Variants in CACNA1B observed in about 807,000 individuals in gnomAD.
The protein encoded by CACNA1B is calcium voltage-gated channel subunit alpha1 B, also known as voltage-dependent N-type calcium channel subunit alpha-1B.
In CACNA1B, 70 loss-of-function variants were observed where a neutral mutation model predicts 247.2. The observed-to-expected ratio is 0.28, with a 90% CI of 0.23 to 0.35. The LOEUF is 0.35. Ranked by LOEUF, CACNA1B falls within the 10% of genes least tolerant of loss-of-function variation. The pLI, the probability that CACNA1B is intolerant of heterozygous loss-of-function variation, is 1.00. For missense variants in CACNA1B, 2,367 were observed against 3,197.4 expected (o/e 0.74, Z 6.26); for synonymous variants, 1,231 against 1,294.4 (o/e 0.95, Z 1.05).
chr9:138,047,856 G>A (rs1959196855), intron 23 of CACNA1B, among the ~76,000 whole-genome samples: 1 of 152,254 alleles, frequency 6.6e-6, no homozygotes, highest in African/African-American at 2.4e-5. Flanking sequence ...TTAGAAGATT[G>A]TTGGAAGTGG....
At chr9:137,879,471 A>G (rs1325192889) in intron 2 of CACNA1B, among the ~76,000 whole-genome samples, 1 of 152,106 alleles carries the variant, frequency 6.6e-6, no homozygotes, top group Non-Finnish European at 1.5e-5. Flanking sequence ...CATGTTCTAA[A>G]CTTGGGGTGG....
intron 3 of CACNA1B, among the ~76,000 whole-genome samples, chr9:137,904,540 A>T (rs1051185605): frequency 6.5e-4 from 96 of 148,342 alleles, no homozygotes; most frequent in East Asian, 2.0e-3. Context: ...AATTAAAAAA[A>T]TTTTTTTTTT....
At chr9:137,982,817 T>C (rs1343110075) in intron 12 of CACNA1B, among the ~76,000 whole-genome samples, 1 of 152,140 alleles carries the variant, frequency 6.6e-6, no homozygotes, top group African/African-American at 2.4e-5. Context: ...CTTACCCAAT[T>C]TGTTGTATTG....
intron 12 of CACNA1B, among the ~76,000 whole-genome samples, chr9:137,980,416 C>T (rs572974688): frequency 6.6e-6 from 1 of 152,368 alleles, no homozygotes; most frequent in South Asian, 2.1e-4. Context: ...CTGAGTAGTG[C>T]TCTGAGGCAC....
Position 138,023,084 on chromosome 9 carries a change from C to T in CACNA1B, c.2341C>T (p.Arg781Trp). ...RASQLRLQNL[R>W]ASCEALYSEM... The stretch of plus-strand genomic sequence containing the variant: ...CAGCCAGCTACGGCTGCAGAACCTG[C>T]GGGCCAGCTGCGAGGCGCTGTACAG... Residue 781 changes from arginine (R) to tryptophan (W), a missense_variant, in exon 19 of 47, where the codon CGG becomes TGG. Transcript: ENST00000371372. 6.5e-7 allele frequency: 1 copy of T among 1,529,626 alleles called. No homozygotes were observed. The highest frequency in any genetic ancestry group is 1.2e-5 in the South Asian group (1 of 83,502). The allele number at this position is 1,529,626 out of a possible 1,614,324, so 94.8% of individuals were successfully genotyped here.
intron 36 of CACNA1B, among the ~76,000 whole-genome samples, chr9:138,088,959 CAAAAAAAAAA>C (rs56112600): frequency 9.8e-5 from 6 of 61,426 alleles, no homozygotes; most frequent in Admixed American, 9.0e-4. Context: ...AACTCCGTCT[CAAAAAAAAAA>C]AAAAAAAAAA....
intron 20 of CACNA1B, among the ~76,000 whole-genome samples, chr9:138,043,484 AGC>A (rs1959154344): frequency 6.6e-6 from 1 of 151,974 alleles, no homozygotes; most frequent in Non-Finnish European, 1.5e-5. Flanking sequence ...GAGGCCCCTC[AGC>A]GCGGCAGAGG....
At position 138,054,044 on chromosome 9, in the gene CACNA1B, C is replaced by T. The variant is rs754732355; in HGVS notation, c.3968+38C>T. 2.5e-6 allele frequency: 4 copies of T among 1,596,244 alleles called. No individual in the cohort carries two copies. Among genetic ancestry groups the T allele is most frequent in the Admixed American group, 3.3e-5 (2 of 59,924 alleles). Reference sequence around the variant, plus strand: ...AGGGTGCAAGGTGGGACACACAGCCCCATGATGCAGACAACACTGGGAGTT... The same window carrying T: ...AGGGTGCAAGGTGGGACACACAGCCTCATGATGCAGACAACACTGGGAGTT... On this transcript the variant is annotated intron_variant, in intron 26 of 46. Transcript: ENST00000371372. The surrounding 1 kb of genome is among the most constrained non-coding windows in gnomAD (Gnocchi z 4.6).
At position 137,995,481 on chromosome 9, in the gene CACNA1B, A is replaced by C. The variant is rs11137334; in HGVS notation, c.1974+8627A>C. Among the ~76,000 whole-genome samples, 506 of 152,346 alleles carry C rather than the reference A, an allele frequency of 3.3e-3. 9 individuals carry two copies. In the East Asian group the frequency reaches 0.053, roughly 16 times the overall value. ...GGTGCTGGGATAATTGGCAAGCCAC[A>C]GGTAGGAGAATGAAACTGGATCCTC... On this transcript the variant is annotated intron_variant, in intron 15 of 46. Transcript: ENST00000371372.
intron 16 of CACNA1B, among the ~76,000 whole-genome samples, chr9:138,009,259 C>T (rs1308166875): frequency 6.6e-6 from 1 of 152,226 alleles, no homozygotes; most frequent in African/African-American, 2.4e-5. Flanking sequence ...GGGGCAGCAC[C>T]TCACACTGGG....
Position 137,955,631 on chromosome 9 carries a change from C to T in CACNA1B, c.1071-67C>T. ...CCAGGCTTTCCCTGGTCCTTTTTGT[C>T]TCTGGGGCTGCACACCTGTGGGGCT... On this transcript the variant is annotated intron_variant, in intron 7 of 46. Transcript: ENST00000371372. This position sits in a 1 kb window ranked among gnomAD's most constrained non-coding sequence, Gnocchi z 6.9. The T allele has an allele frequency of 9.4e-7, 1 of 1,066,254 alleles. No homozygotes were observed. 66.0% of individuals were successfully genotyped at this position (1,066,254 alleles called of 1,614,324 possible).
intron 21 of CACNA1B, among the ~76,000 whole-genome samples, chr9:138,045,695 AC>A (rs1959176891): frequency 6.6e-6 from 1 of 152,130 alleles, no homozygotes; most frequent in Non-Finnish European, 1.5e-5. Flanking sequence ...AGTGCCAGAA[AC>A]CCAGACACAA....
Position 137,881,680 on chromosome 9 carries a change from C to G in CACNA1B, c.391-1064C>G, listed in dbSNP as rs1223797042. Reference sequence around the variant, plus strand: ...GGGCTTGCCTTGCACAGGGCCTTTCCCTGCCAGCCCCACGCGTGTGCTCAC... The same window carrying G: ...GGGCTTGCCTTGCACAGGGCCTTTCGCTGCCAGCCCCACGCGTGTGCTCAC... On this transcript the variant is annotated intron_variant, in intron 2 of 46. Coordinates refer to ENST00000371372, the MANE Select transcript of CACNA1B (RefSeq NM_000718.4). The surrounding 1 kb of genome is among the most constrained non-coding windows in gnomAD (Gnocchi z 4.3). Among the ~76,000 whole-genome samples the G allele has an allele frequency of 6.6e-6, 1 of 152,184 alleles. No individual in the cohort carries two copies. Among genetic ancestry groups the G allele is most frequent in the African/African-American group, 2.4e-5 (1 of 41,454 alleles).
intron 15 of CACNA1B, among the ~76,000 whole-genome samples, chr9:137,999,558 G>T (rs1208570678): frequency 5.9e-5 from 9 of 152,088 alleles, no homozygotes; most frequent in Admixed American, 5.2e-4. Context: ...TGTCACCCAG[G>T]CTGGAGTGCA....
At chr9:138,094,194 C>T (rs987082839) in intron 36 of CACNA1B, among the ~76,000 whole-genome samples, 14 of 152,048 alleles carry the variant, frequency 9.2e-5, no homozygotes, top group East Asian at 1.9e-4. Context: ...TGTATGATTC[C>T]ACTTATATAA....
intron 21 of CACNA1B, 56 bp from the exon 22 acceptor site, chr9:138,046,848 A>G (rs971389808): frequency 1.9e-6 from 3 of 1,572,580 alleles, no homozygotes; most frequent in African/African-American, 1.3e-5. Flanking sequence ...GCCCTGTGGC[A>G]AGGGGTGGCG....
chr9:137,881,507 C>A lies in CACNA1B; in HGVS notation c.391-1237C>A, dbSNP rs1268640884. Reference sequence around the variant, plus strand: ...TGCTTCTTCCTGTGACTTCCACAGTCCTGAAGACGAACCCTCAGGGGAGGC... The same window carrying A: ...TGCTTCTTCCTGTGACTTCCACAGTACTGAAGACGAACCCTCAGGGGAGGC... On this transcript the variant is annotated intron_variant, in intron 2 of 46. Coordinates refer to ENST00000371372, the MANE Select transcript of CACNA1B (RefSeq NM_000718.4). The surrounding 1 kb of genome is among the most constrained non-coding windows in gnomAD (Gnocchi z 4.3). Among the ~76,000 whole-genome samples the A allele has an allele frequency of 6.6e-6, 1 of 152,200 alleles. No individual in the cohort carries two copies. Among genetic ancestry groups the A allele is most frequent in the Non-Finnish European group, 1.5e-5 (1 of 68,026 alleles).
chr9:137,987,782 GCAC>G (rs973800475), intron 15 of CACNA1B, among the ~76,000 whole-genome samples: 3 of 152,192 alleles, frequency 2.0e-5, no homozygotes, highest in Admixed American at 1.3e-4. Context: ...GTCCTAATTT[GCAC>G]CACAGTCCTC....
intron 36 of CACNA1B, among the ~76,000 whole-genome samples, chr9:138,094,696 T>C (rs1298553132): frequency 6.6e-6 from 1 of 152,156 alleles, no homozygotes; most frequent in Non-Finnish European, 1.5e-5. Flanking sequence ...ACTAGAAAGC[T>C]ACAGTTATCA....
Sources: gnomAD v4.1 joint callset for allele counts (sites outside exome capture counted in the v4.1 genomes callset) on GRCh38, gnomAD v4.1.1 for gene constraint, Gnocchi (gnomAD v3.1) non-coding constraint, MANE v1.5 for transcripts, NCBI Gene and HGNC (gene_info 2026-07-23, HGNC 2026-07-21) for gene names.